Variants in FANCA observed in about 807,000 individuals in gnomAD.
FANCA encodes the protein FA complementation group A.
Under a neutral mutation model 194.3 loss-of-function variants are expected in FANCA, and 236 were observed. The observed-to-expected ratio is 1.21, with a 90% CI of 1.09 to 1.35. The LOEUF is 1.35. Ranked by LOEUF, FANCA falls within the 40% of genes most tolerant of loss-of-function variation. FANCA has a pLI of 0.00. For synonymous variants in FANCA, 1,014 were observed against 715.8 expected, an observed-to-expected ratio of 1.42 and a Z score of -6.65; for missense variants, 2,628 against 1,813.9, an observed-to-expected ratio of 1.45 and a Z score of -8.15.
chr16:89,775,627 T>A, intron 21 of FANCA, 115 bp downstream of exon 21: 1 of 829,490 alleles, frequency 1.2e-6, no homozygotes, highest in Non-Finnish European at 2.0e-6. Context: ...AGCACCGGCT[T>A]GAGCTGGCAC....
Position 89,742,891 on chromosome 16 carries a change from A to C in FANCA, c.3674T>G (p.Leu1225Arg). The C allele has an allele frequency of 6.2e-7, 1 of 1,614,154 alleles. No homozygotes were observed. ...AASPAPNPDW[L>R]SAAALHFAIQ... Reference sequence around the variant, plus strand: ...CGCAAAGTGCAGTGCAGCAGCTGAGAGCCAGTCCGGGTTGGGTGCTGGGGA... The same window carrying C: ...CGCAAAGTGCAGTGCAGCAGCTGAGCGCCAGTCCGGGTTGGGTGCTGGGGA... Residue 1225 changes from leucine (L) to arginine (R), a missense_variant, in exon 37 of 43, where the codon CTC (leucine) becomes CGC (arginine). Physicochemically the swap from Leu to Arg is moderately radical, Grantham distance 102 (BLOSUM62 -2). Transcript: ENST00000389301.
At chr16:89,774,729 C>CAAAAAAAAAAAAAAAAAAAAAAAA (rs780078944) in intron 21 of FANCA, among the ~76,000 whole-genome samples, 1 of 22,196 alleles carries the variant, frequency 4.5e-5, no homozygotes, top group South Asian at 3.6e-3. Flanking sequence ...GACTCTGTCT[C>CAAAAAAAAAAAAAAAAAAAAAAAA]AAAAAAAAAA....
intron 8 of FANCA, among the ~76,000 whole-genome samples, chr16:89,802,664 A>G (rs555705787): frequency 6.6e-6 from 1 of 151,244 alleles, no homozygotes; most frequent in Admixed American, 6.6e-5. Flanking sequence ...CGTCCTCCCA[A>G]AGTGCTGGGA....
chr16:89,791,215 G>A (rs1049889724), intron 14 of FANCA, 188 bp downstream of exon 14: 5 of 730,090 alleles, frequency 6.8e-6, no homozygotes, highest in East Asian at 2.7e-5. Flanking sequence ...AAGATCCGCT[G>A]AGGCCCCGAC....
chr16:89,738,328 T>C lies in FANCA; in HGVS notation c.*273A>G. On this transcript the variant is annotated 3_prime_UTR_variant, in exon 43 of 43. Coordinates refer to ENST00000389301, the MANE Select transcript of FANCA (RefSeq NM_000135.4). ...GCCTCACCCTTCGTGTGCACCCGCA[T>C]GGGAGGGTCGGAGGGTGCTGCCCGC... 1 of 1,507,378 alleles carries C rather than the reference T, an allele frequency of 6.6e-7. No homozygotes were observed. Among genetic ancestry groups the C allele is most frequent in the Non-Finnish European group, 8.9e-7 (1 of 1,128,522 alleles). 93.4% of individuals were successfully genotyped at this position (1,507,378 alleles called of 1,614,324 possible). A position where few individuals can be genotyped will look rare whatever the true frequency, so the allele number is the denominator to read the frequency against.
At chr16:89,791,023 GTT>G (rs11355118) in intron 14 of FANCA, 1,911 of 94,084 alleles carry the variant, frequency 0.02, 7 homozygotes, top group East Asian at 0.025. Flanking sequence ...GTGTGTGTGT[GTT>G]TTTTTTTTTT....
intron 33 of FANCA, among the ~76,000 whole-genome samples, chr16:89,747,139 AG>A (rs1351163335): frequency 6.6e-6 from 1 of 152,190 alleles, no homozygotes; most frequent in East Asian, 1.9e-4. Context: ...TGTAGGCTCC[AG>A]GAAGAAGCCA....
At chr16:89,797,791 A>G (rs1307136702) in intron 10 of FANCA, among the ~76,000 whole-genome samples, 1 of 152,114 alleles carries the variant, frequency 6.6e-6, no homozygotes, top group African/African-American at 2.4e-5. Context: ...GCTACTCAGG[A>G]GGCTGAGGCA....
At chr16:89,790,560 C>G (rs887353595) in intron 14 of FANCA, among the ~76,000 whole-genome samples, 17 of 151,884 alleles carry the variant, frequency 1.1e-4, no homozygotes, top group Non-Finnish European at 2.1e-4. Context: ...GAAACCCCGT[C>G]TCTACTAAAA....
chr16:89,781,060 G>A (rs1366584250), intron 17 of FANCA, among the ~76,000 whole-genome samples: 1 of 151,896 alleles, frequency 6.6e-6, no homozygotes, highest in Non-Finnish European at 1.5e-5. Context: ...AAATAAAAAG[G>A]TCTTAAAAAG....
Position 89,791,884 on chromosome 16 carries a change from A to G in FANCA, c.1225+43T>C, listed in dbSNP as rs1231334704. Reference sequence around the variant, plus strand: ...TGGGACTCTGCTGACACCCCCCTACACACACTCTTGACCAGCACCACCGGG... The same window carrying G: ...TGGGACTCTGCTGACACCCCCCTACGCACACTCTTGACCAGCACCACCGGG... On this transcript the variant is annotated intron_variant, in intron 13 of 42. Transcript: ENST00000389301. 3 of 1,613,128 alleles carry G rather than the reference A, an allele frequency of 1.9e-6. No individual in the cohort carries two copies. The South Asian group carries it at 3.3e-5, about 18-fold the overall frequency.
In FANCA at chr16:89,758,712, C is replaced by A. The variant is rs1244691285; in HGVS notation, c.2853-7G>T. On this transcript the variant is annotated splice_polypyrimidine_tract_variant and splice_region_variant and intron_variant, in intron 29 of 42. Coordinates refer to ENST00000389301, the MANE Select transcript of FANCA (RefSeq NM_000135.4). ...CCACTGGTGGAAGTCCTGCCTAGAA[C>A]AGCAAACACTGCTATCAATTCTGAG... 1 of 1,613,318 alleles carries A rather than the reference C, an allele frequency of 6.2e-7. No homozygotes were observed.
intron 35 of FANCA, among the ~76,000 whole-genome samples, chr16:89,745,324 G>C (rs1487412698): frequency 2.0e-5 from 3 of 152,244 alleles, no homozygotes; most frequent in South Asian, 2.1e-4. Context: ...CAACAGTGAA[G>C]GGACCACACT....
chr16:89,779,985 A>AG, intron 17 of FANCA, 28 bp from the exon 18 acceptor site: 1 of 1,600,368 alleles, frequency 6.2e-7, no homozygotes, highest in Non-Finnish European at 8.6e-7. Context: ...AGGAAAGGAA[A>AG]AAGAACAGAG....
intron 27 of FANCA, among the ~76,000 whole-genome samples, chr16:89,766,006 T>A (rs879408906): frequency 4.3e-4 from 66 of 152,104 alleles, no homozygotes; most frequent in Admixed American, 2.2e-3. Context: ...TTTATTTTTT[T>A]TTTTTTTTGA....
chr16:89,781,662 C>T (rs1340803059), intron 17 of FANCA, among the ~76,000 whole-genome samples: 2 of 140,576 alleles, frequency 1.4e-5, no homozygotes, highest in Admixed American at 7.4e-5. Flanking sequence ...GGCGACAGAG[C>T]GAGACTCCGT....
chr16:89,792,706 C>A, intron 11 of FANCA, 159 bp from the exon 12 acceptor site: 1 of 639,362 alleles, frequency 1.6e-6, no homozygotes. Context: ...AAAGACAAGA[C>A]AGCTGGGCCC....
Position 89,737,838 on chromosome 16 carries a change from C to G in FANCA, c.*763G>C, listed in dbSNP as rs2061994034. On this transcript the variant is annotated 3_prime_UTR_variant, in exon 43 of 43. Coordinates refer to ENST00000389301, the MANE Select transcript of FANCA (RefSeq NM_000135.4). Reference sequence around the variant, plus strand: ...GAACTATATCTGTGACGAATGTGGACAAACCTTCAAGCAGCGGAAGCACCT... The same window carrying G: ...GAACTATATCTGTGACGAATGTGGAGAAACCTTCAAGCAGCGGAAGCACCT... The G allele has an allele frequency of 1.2e-6, 2 of 1,614,068 alleles. No individual in the cohort carries two copies. Among genetic ancestry groups the G allele is most frequent in the Admixed American group, 1.7e-5 (1 of 59,992 alleles).
At chr16:89,765,161 C>A in intron 27 of FANCA, 95 bp from the exon 28 acceptor site, 3 of 1,395,518 alleles carry the variant, frequency 2.1e-6, no homozygotes, top group Non-Finnish European at 2.0e-6. Flanking sequence ...CATCAACAGC[C>A]CACACACACA....
Sources: gnomAD v4.1 joint callset for allele counts (sites outside exome capture counted in the v4.1 genomes callset) on GRCh38, gnomAD v4.1.1 for gene constraint, MANE v1.5 for transcripts, NCBI Gene and HGNC (gene_info 2026-07-23, HGNC 2026-07-21) for gene names.